RNF220: variants seen among roughly 807,000 people sequenced by gnomAD.
RNF220 encodes ring finger protein 220.
A neutral mutation model predicts 67.1 loss-of-function variants in RNF220; 7 were observed. The observed-to-expected ratio is 0.10, with a 90% CI of 0.06 to 0.20. The LOEUF (loss-of-function observed/expected upper bound fraction) is 0.20. Ranked by LOEUF, RNF220 falls within the 10% of genes least tolerant of loss-of-function variation. The probability of loss-of-function intolerance (pLI) is 1.00; values close to 1 mark genes in which losing one functional copy is unlikely to be tolerated. For missense variants in RNF220, 565 were observed against 740.3 expected (o/e 0.76, Z 2.75); for synonymous variants, 270 against 283.2 (o/e 0.95, Z 0.47).
chr1:44,449,213 T>C (rs965781106), intron 2 of RNF220, among the ~76,000 whole-genome samples: 2 of 152,200 alleles, frequency 1.3e-5, no homozygotes, highest in African/African-American at 2.4e-5. Context: ...TGTGAGGAAA[T>C]ATAGGTTTAC....
chr1:44,406,159 G>A (rs957006838), intron 1 of RNF220, among the ~76,000 whole-genome samples: 7 of 152,232 alleles, frequency 4.6e-5, no homozygotes, highest in African/African-American at 1.4e-4. Flanking sequence ...TACCCGGGGA[G>A]TGGCTGTTTA....
At chr1:44,498,873 A>T (rs1657578750) in intron 2 of RNF220, among the ~76,000 whole-genome samples, 1 of 152,162 alleles carries the variant, frequency 6.6e-6, no homozygotes, top group East Asian at 1.9e-4. Flanking sequence ...CGTTTTCAAT[A>T]TCCTGCTCAT....
intron 2 of RNF220, among the ~76,000 whole-genome samples, chr1:44,514,326 A>G (rs1192338650): frequency 6.6e-6 from 1 of 152,248 alleles, no homozygotes; most frequent in Non-Finnish European, 1.5e-5. Flanking sequence ...CTGAGTAGAA[A>G]ATGCTGATCA....
At chr1:44,481,149 G>A (rs1305670588) in intron 2 of RNF220, among the ~76,000 whole-genome samples, 5 of 152,154 alleles carry the variant, frequency 3.3e-5, no homozygotes, top group Non-Finnish European at 2.9e-5. Flanking sequence ...AAGACTGAGC[G>A]TGGTGGCATA....
At chr1:44,466,328 A>G (rs1018236069) in intron 2 of RNF220, among the ~76,000 whole-genome samples, 4 of 151,516 alleles carry the variant, frequency 2.6e-5, no homozygotes, top group African/African-American at 9.6e-5. Context: ...CCACATTCGC[A>G]GTTACTTTCT....
Position 44,621,696 on chromosome 1 carries a change from C to T in RNF220, c.759-1046C>T, listed in dbSNP as rs1383441341. Among the ~76,000 whole-genome samples, 3 of 152,118 alleles carry T rather than the reference C, an allele frequency of 2.0e-5. No homozygotes were observed. The East Asian group carries it at 5.8e-4, about 29-fold the overall frequency. On this transcript the variant is annotated intron_variant, in intron 3 of 14. Transcript: ENST00000361799. This position sits in a 1 kb window ranked among gnomAD's most constrained non-coding sequence, Gnocchi z 4.8. ...GTGTCTGAGCTCATCTGTGGATGTT[C>T]CTTATGTCTACACTCGTTAAGTCCC...
chr1:44,482,477 G>A (rs1397534356), intron 2 of RNF220, among the ~76,000 whole-genome samples: 1 of 152,184 alleles, frequency 6.6e-6, no homozygotes, highest in Non-Finnish European at 1.5e-5. Flanking sequence ...CCTTCTCTCA[G>A]TGAGCAATGA....
At chr1:44,497,260 C>G (rs1281604208) in intron 2 of RNF220, among the ~76,000 whole-genome samples, 1 of 151,946 alleles carries the variant, frequency 6.6e-6, no homozygotes, top group African/African-American at 2.4e-5. Flanking sequence ...TTGTGCCTAC[C>G]CTACCCACAG....
At chr1:44,507,873 C>CG (rs376626875) in intron 2 of RNF220, among the ~76,000 whole-genome samples, 1,791 of 152,072 alleles carry the variant, frequency 0.012, 34 homozygotes, top group African/African-American at 0.041. Flanking sequence ...GTGCCCCCCC[C>CG]TCACCACACT....
At chr1:44,559,340 C>A (rs1418171510) in intron 2 of RNF220, among the ~76,000 whole-genome samples, 3 of 152,252 alleles carry the variant, frequency 2.0e-5, no homozygotes, top group Non-Finnish European at 4.4e-5. Flanking sequence ...ACAGGAGCAG[C>A]CAATAGCCAG....
At chr1:44,584,927 G>A (rs1001726345) in intron 2 of RNF220, among the ~76,000 whole-genome samples, 33 of 152,296 alleles carry the variant, frequency 2.2e-4, no homozygotes, top group African/African-American at 7.0e-4. Flanking sequence ...TCGAACTCCT[G>A]ACCTCAAGTG....
intron 2 of RNF220, among the ~76,000 whole-genome samples, chr1:44,524,723 C>T (rs974654726): frequency 2.6e-5 from 4 of 152,170 alleles, no homozygotes; most frequent in African/African-American, 9.7e-5. Flanking sequence ...AGGACCTAAA[C>T]GCTGAATGTT....
intron 1 of RNF220, chr1:44,408,979 G>A (rs1024789584): frequency 6.6e-6 from 1 of 152,250 alleles, no homozygotes; most frequent in African/African-American, 2.4e-5. Context: ...TGGGCTTTCG[G>A]TTTTTCTGTG....
intron 2 of RNF220, among the ~76,000 whole-genome samples, chr1:44,475,034 C>T (rs1250634197): frequency 6.6e-6 from 1 of 151,366 alleles, no homozygotes; most frequent in African/African-American, 2.4e-5. Context: ...ATGGCGAATC[C>T]CTAAAATAAT....
chr1:44,407,305 G>T (rs1481890223), intron 1 of RNF220, among the ~76,000 whole-genome samples: 3 of 152,206 alleles, frequency 2.0e-5, no homozygotes, highest in Non-Finnish European at 4.4e-5. Flanking sequence ...GAAAAAAAAG[G>T]GCGGCAGTGA....
chr1:44,641,577 G>C (rs1170111648), intron 8 of RNF220, among the ~76,000 whole-genome samples: 1 of 152,186 alleles, frequency 6.6e-6, no homozygotes, highest in Non-Finnish European at 1.5e-5. Flanking sequence ...CCAAGCGGGA[G>C]GGGGGGCAAG....
chr1:44,645,974 T>C lies in RNF220; in HGVS notation c.1445+486T>C, dbSNP rs1644634080. Among the ~76,000 whole-genome samples, 1 of 152,228 alleles carries C rather than the reference T, an allele frequency of 6.6e-6. No individual in the cohort carries two copies. On this transcript the variant is annotated intron_variant, in intron 12 of 14. Coordinates refer to ENST00000361799, the MANE Select transcript of RNF220 (RefSeq NM_018150.4). This position sits in a 1 kb window ranked among gnomAD's most constrained non-coding sequence, Gnocchi z 5.0. ...AGAGGAAAAGGGATCCATTAGCACT[T>C]TGCCCAGGGCTGAGCAACCCCTGGC... is the stretch of plus-strand genomic sequence containing the variant.
chr1:44,492,200 C>T (rs1656915759), intron 2 of RNF220, among the ~76,000 whole-genome samples: 1 of 152,150 alleles, frequency 6.6e-6, no homozygotes, highest in Non-Finnish European at 1.5e-5. Flanking sequence ...AAATGCAAAT[C>T]AAATCCACAA....
At chr1:44,427,864 TAAG>T (rs1372227654) in intron 2 of RNF220, among the ~76,000 whole-genome samples, 1 of 152,178 alleles carries the variant, frequency 6.6e-6, no homozygotes, top group Admixed American at 6.5e-5. Context: ...ATTAATATGA[TAAG>T]GGGTTGGGCA....
Sources: allele counts gnomAD v4.1 joint callset (sites outside exome capture counted in the v4.1 genomes callset), GRCh38; gene constraint gnomAD v4.1.1; non-coding constraint Gnocchi (gnomAD v3.1); transcripts MANE v1.5; gene names NCBI Gene and HGNC (gene_info 2026-07-23, HGNC 2026-07-21).